The following ARPP21 variants were observed in gnomAD, a reference collection of about 807,000 sequenced individuals.
ARPP21 encodes the protein cAMP regulated phosphoprotein 21.
A neutral mutation model predicts 113.2 loss-of-function variants in ARPP21; 69 were observed. That is an observed-to-expected ratio of 0.61 (90% CI 0.50 to 0.74). The LOEUF (loss-of-function observed/expected upper bound fraction) is 0.74, where lower values mean the gene tolerates loss of function less well. Among genes scored for constraint, ARPP21 ranks in the 30% least tolerant of loss-of-function variants. The pLI is 0.00. For synonymous variants in ARPP21, 368 were observed against 375.5 expected, an observed-to-expected ratio of 0.98 and a Z score of 0.23; for missense variants, 1,070 against 1,037.4, an observed-to-expected ratio of 1.03 and a Z score of -0.43.
intron 9 of ARPP21, among the ~76,000 whole-genome samples, chr3:35,692,595 A>G (rs1312280376): frequency 6.6e-6 from 1 of 151,610 alleles, no homozygotes; most frequent in African/African-American, 2.4e-5. Flanking sequence ...TTTATTTTTA[A>G]CTTACACCAA....
At position 35,739,569 on chromosome 3, in the gene ARPP21, C is replaced by A. The variant is rs1576477676; in HGVS notation, c.2002C>A (p.Pro668Thr). The A allele has an allele frequency of 6.2e-7, 1 of 1,611,736 alleles. No individual in the cohort carries two copies. The highest frequency in any genetic ancestry group is 1.7e-4 in the Middle Eastern group (1 of 6,046). Residue 668 changes from proline (P) to threonine (T), a missense_variant, in exon 18 of 21, where the codon CCT (proline) becomes ACT (threonine). By Grantham distance (38) the Pro-to-Thr change is conservative (BLOSUM62 -1). Transcript: ENST00000684406. ...ACAGGGATTTGTGCAACAGCCTCCG[C>A]CTGCACAGGTAGGTGTGCTTCCTCA... Reference protein sequence around the residue: ...SPQGFVQQPPPAQMPVYYYPS... With the variant: ...SPQGFVQQPPTAQMPVYYYPS...
intron 19 of ARPP21, among the ~76,000 whole-genome samples, chr3:35,789,223 G>A (rs1416157902): frequency 1.3e-5 from 2 of 152,196 alleles, no homozygotes; most frequent in East Asian, 3.9e-4. Flanking sequence ...TCTCACCAGT[G>A]CTGCCATCTC....
chr3:35,672,884 A>G (rs1333954817), intron 1 of ARPP21, among the ~76,000 whole-genome samples: 1 of 152,064 alleles, frequency 6.6e-6, no homozygotes, highest in Non-Finnish European at 1.5e-5. Context: ...ATTTGATGTG[A>G]GGATAAGATG....
chr3:35,679,491 A>G (rs1194918161), intron 1 of ARPP21: 4 of 147,598 alleles, frequency 2.7e-5, no homozygotes, highest in African/African-American at 5.1e-5. Context: ...TTTTTTTTTT[A>G]ATACAAAGTG....
intron 19 of ARPP21, among the ~76,000 whole-genome samples, chr3:35,764,802 TA>T (rs1215670573): frequency 2.0e-5 from 3 of 152,168 alleles, no homozygotes; most frequent in Admixed American, 6.6e-5. Context: ...CCACTTTTAC[TA>T]AAAAATTATA....
At chr3:35,671,452 T>TCAACAC (rs1227093803) in intron 1 of ARPP21, among the ~76,000 whole-genome samples, 1 of 152,170 alleles carries the variant, frequency 6.6e-6, no homozygotes, top group Non-Finnish European at 1.5e-5. Context: ...TATGTTGATC[T>TCAACAC]CAACACAGCC....
rs1308914843 is a variant in ARPP21, at chr3:35,672,425, A to G, written c.-212-7362A>G. Among the ~76,000 whole-genome samples the G allele has an allele frequency of 2.6e-5, 4 of 152,226 alleles. No homozygotes were observed. The East Asian group carries it at 7.8e-4, about 30-fold the overall frequency. On this transcript the variant is annotated intron_variant, in intron 1 of 20. Coordinates refer to ENST00000684406, the MANE Select transcript of ARPP21 (RefSeq NM_001385562.1). ...TTCTAGTGGCTGTTGGTTTAGTTTA[A>G]GAAAAAACTTTATTGCCACATTAGT... is the stretch of plus-strand genomic sequence containing the variant.
intron 1 of ARPP21, chr3:35,643,970 G>A (rs1419909005): frequency 6.6e-6 from 1 of 151,950 alleles, no homozygotes; most frequent in African/African-American, 2.4e-5. Context: ...CAGCGATGAT[G>A]CATTTGTAAA....
chr3:35,785,373 T>C (rs1388854055), intron 19 of ARPP21: 1 of 152,176 alleles, frequency 6.6e-6, no homozygotes. Flanking sequence ...GTTCAGAGAA[T>C]TACTTCAATA....
At chr3:35,690,539 C>T (rs918732752) in intron 8 of ARPP21, among the ~76,000 whole-genome samples, 7 of 151,512 alleles carry the variant, frequency 4.6e-5, no homozygotes, top group African/African-American at 9.7e-5. Flanking sequence ...TCTGCAATCA[C>T]GTATTATGTC....
intron 1 of ARPP21, among the ~76,000 whole-genome samples, chr3:35,652,959 T>C (rs1015285597): frequency 1.2e-4 from 19 of 152,202 alleles, no homozygotes; most frequent in African/African-American, 4.6e-4. Flanking sequence ...AAGATTTCTG[T>C]AGCCTTGTGA....
chr3:35,688,528 C>A (rs967695887), intron 6 of ARPP21, among the ~76,000 whole-genome samples: 1 of 151,514 alleles, frequency 6.6e-6, no homozygotes, highest in Non-Finnish European at 1.5e-5. Context: ...TGGTACAAAA[C>A]AAAACTAAGT....
intron 18 of ARPP21, among the ~76,000 whole-genome samples, chr3:35,740,228 C>A (rs2094575709): frequency 6.6e-6 from 1 of 152,146 alleles, no homozygotes; most frequent in Non-Finnish European, 1.5e-5. Context: ...TACTGTTCAC[C>A]ACCAAACATC....
At chr3:35,792,290 G>A in intron 19 of ARPP21, 92 bp from the exon 20 acceptor site, 1 of 1,090,094 alleles carries the variant, frequency 9.2e-7, no homozygotes, top group Non-Finnish European at 1.4e-6. Flanking sequence ...TGAGATGTCT[G>A]AAGGCTGCCT....
chr3:35,733,484 T>G (rs77861005), intron 15 of ARPP21, among the ~76,000 whole-genome samples: 1 of 152,140 alleles, frequency 6.6e-6, no homozygotes, highest in Non-Finnish European at 1.5e-5. Flanking sequence ...AGCGTGCTTG[T>G]GCAGTTTCTG....
chr3:35,723,913 G>C (rs1473148517), intron 14 of ARPP21, among the ~76,000 whole-genome samples: 1 of 152,166 alleles, frequency 6.6e-6, no homozygotes, highest in African/African-American at 2.4e-5. Context: ...CAAACTTACA[G>C]TTTCCCAAGA....
intron 10 of ARPP21, among the ~76,000 whole-genome samples, chr3:35,707,884 T>C (rs1370660385): frequency 1.3e-5 from 2 of 152,120 alleles, no homozygotes; most frequent in Admixed American, 6.6e-5. Flanking sequence ...TTTTAAATGA[T>C]GATAACAATA....
At chr3:35,708,836 A>G (rs2090130910) in intron 10 of ARPP21, 133 bp from the exon 11 acceptor site, 5 of 658,134 alleles carry the variant, frequency 7.6e-6, no homozygotes, top group Non-Finnish European at 1.3e-5. Context: ...CTCCTCAGGA[A>G]ACAGAGAGAA....
chr3:35,688,966 G>A (rs2081447344), intron 6 of ARPP21, among the ~76,000 whole-genome samples: 1 of 151,060 alleles, frequency 6.6e-6, no homozygotes, highest in Non-Finnish European at 1.5e-5. Context: ...GTAGGTGGGA[G>A]TTCTGTCATG....
Sources: allele counts gnomAD v4.1 joint callset (sites outside exome capture counted in the v4.1 genomes callset), GRCh38; gene constraint gnomAD v4.1.1; transcripts MANE v1.5; gene names NCBI Gene and HGNC (gene_info 2026-07-23, HGNC 2026-07-21).